The following ARID1B variants were observed in gnomAD, a reference collection of about 807,000 sequenced individuals.
The protein encoded by ARID1B is AT-rich interactive domain-containing protein 1B.
Under a neutral mutation model 212.3 loss-of-function variants are expected in ARID1B, and 30 were observed. The observed-to-expected ratio is 0.14, with a 90% CI of 0.11 to 0.19. ARID1B has a LOEUF of 0.19. Among genes scored for constraint, ARID1B ranks in the 10% least tolerant of loss-of-function variants. The probability of loss-of-function intolerance (pLI) is 1.00; values close to 1 mark genes in which losing one functional copy is unlikely to be tolerated. For synonymous variants in ARID1B, 1,402 were observed against 1,301.7 expected, an observed-to-expected ratio of 1.08 and a Z score of -1.66; for missense variants, 2,891 against 3,204.0, an observed-to-expected ratio of 0.90 and a Z score of 2.36.
At position 156,977,996 on chromosome 6, in the gene ARID1B, T is replaced by G. The variant is rs114499950; in HGVS notation, c.2247+42420T>G. Among the ~76,000 whole-genome samples the G allele has an allele frequency of 5.4e-3, 815 of 152,254 alleles. 7 individuals carry two copies. The highest frequency in any genetic ancestry group is 0.019 in the African/African-American group (785 of 41,548). Reference sequence around the variant, plus strand: ...GCGGGTGGGAGCAGGAACTCTTCTGTGTGAGCCCTGAGGATTCTTCTTCTA... The same window carrying G: ...GCGGGTGGGAGCAGGAACTCTTCTGGGTGAGCCCTGAGGATTCTTCTTCTA... On this transcript the variant is annotated intron_variant, in intron 4 of 19. Coordinates refer to ENST00000636930, the MANE Select transcript of ARID1B (RefSeq NM_001374828.1).
intron 1 of ARID1B, among the ~76,000 whole-genome samples, chr6:156,781,016 G>C (rs918474900): frequency 1.3e-5 from 2 of 152,170 alleles, no homozygotes; most frequent in South Asian, 4.1e-4. Flanking sequence ...TTGATAGGCA[G>C]CAATATATTT....
intron 3 of ARID1B, among the ~76,000 whole-genome samples, chr6:156,934,970 T>A (rs1792079915): frequency 7.2e-6 from 1 of 139,510 alleles, no homozygotes; most frequent in Non-Finnish European, 1.6e-5. Context: ...ATAGTTTATA[T>A]TTCTGCTGTT....
At chr6:157,002,696 TTTCA>T (rs1778976627) in intron 4 of ARID1B, among the ~76,000 whole-genome samples, 1 of 152,260 alleles carries the variant, frequency 6.6e-6, no homozygotes, top group Non-Finnish European at 1.5e-5. Context: ...TAATTTGATC[TTTCA>T]TTCAGCCCAT....
intron 6 of ARID1B, among the ~76,000 whole-genome samples, chr6:157,117,464 C>CT (rs1217723872): frequency 2.5e-4 from 38 of 152,150 alleles, no homozygotes; most frequent in Non-Finnish European, 4.1e-4. Context: ...TAGTGCACAC[C>CT]TTTTGGCTGC....
intron 5 of ARID1B, among the ~76,000 whole-genome samples, chr6:157,090,514 T>C (rs969485255): frequency 6.6e-6 from 1 of 152,214 alleles, no homozygotes; most frequent in African/African-American, 2.4e-5. Context: ...AATTAGGTCT[T>C]CACGCTAGCA....
At chr6:156,910,334 C>G (rs1301644624) in intron 3 of ARID1B, among the ~76,000 whole-genome samples, 1 of 152,208 alleles carries the variant, frequency 6.6e-6, no homozygotes, top group Non-Finnish European at 1.5e-5. Context: ...CTCTGCATAT[C>G]AAGTTCAAGA....
Position 157,148,612 on chromosome 6 carries a change from C to T in ARID1B, c.2762-12C>T, listed in dbSNP as rs746221569. ...AATAAAAGGCTTTACTTTGTGTTTGCTTTTTGTTTAGGTAACTACTCCAGA... is the reference window on the plus strand; with the variant it reads ...AATAAAAGGCTTTACTTTGTGTTTGTTTTTTGTTTAGGTAACTACTCCAGA... On this transcript the variant is annotated splice_polypyrimidine_tract_variant and intron_variant, in intron 7 of 19. Transcript: ENST00000636930. The surrounding 1 kb of genome is among the most constrained non-coding windows in gnomAD (Gnocchi z 5.6). The T allele has an allele frequency of 3.8e-6, 6 of 1,571,702 alleles. No individual in the cohort carries two copies. In the South Asian group the frequency reaches 5.6e-5, roughly 15 times the overall value.
At chr6:156,945,184 CT>C (rs1793006106) in intron 4 of ARID1B, among the ~76,000 whole-genome samples, 3 of 145,914 alleles carry the variant, frequency 2.1e-5, no homozygotes, top group Non-Finnish European at 4.5e-5. Context: ...ATCCGCCCGC[CT>C]CTGCCACCCA....
Position 157,148,395 on chromosome 6 carries a change from T to G in ARID1B, c.2762-229T>G, listed in dbSNP as rs1289407825. Among the ~76,000 whole-genome samples, 1 of 152,178 alleles carries G rather than the reference T, an allele frequency of 6.6e-6. No homozygotes were observed. The highest frequency in any genetic ancestry group is 1.9e-4 in the East Asian group (1 of 5,192). On this transcript the variant is annotated intron_variant, in intron 7 of 19. Transcript: ENST00000636930. The surrounding 1 kb of genome is among the most constrained non-coding windows in gnomAD (Gnocchi z 5.6). ...ACCAGCCTGAATTTCTCTTCATCAG[T>G]GCAGTGGTCCTCTGGGGCTGTCTGT...
intron 4 of ARID1B, among the ~76,000 whole-genome samples, chr6:157,067,986 T>C (rs1025179444): frequency 6.6e-6 from 1 of 152,234 alleles, no homozygotes; most frequent in African/African-American, 2.4e-5. Flanking sequence ...CTCCTAACTT[T>C]ATAAAATAAA....
chr6:156,821,432 A>G (rs1031635076), intron 1 of ARID1B, among the ~76,000 whole-genome samples: 5 of 152,252 alleles, frequency 3.3e-5, no homozygotes, highest in African/African-American at 1.2e-4. Flanking sequence ...AGCGATCTTC[A>G]AATATTCTGC....
At chr6:157,014,410 T>G (rs1331320864) in intron 4 of ARID1B, among the ~76,000 whole-genome samples, 1 of 152,174 alleles carries the variant, frequency 6.6e-6, no homozygotes, top group Non-Finnish European at 1.5e-5. Flanking sequence ...TTTCGATTCT[T>G]TCTAAGAATC....
At chr6:157,079,698 GA>G (rs1386270546) in intron 4 of ARID1B, among the ~76,000 whole-genome samples, 1 of 152,092 alleles carries the variant, frequency 6.6e-6, no homozygotes, top group Non-Finnish European at 1.5e-5. Flanking sequence ...GCATGTGCTG[GA>G]TTACTTTCTA....
At chr6:157,025,468 C>A (rs563840943) in intron 4 of ARID1B, among the ~76,000 whole-genome samples, 2 of 152,282 alleles carry the variant, frequency 1.3e-5, no homozygotes, top group South Asian at 4.1e-4. Context: ...ATAGTTAGTC[C>A]CTCTCTGTTA....
At chr6:156,810,567 CCTT>C (rs776361829) in intron 1 of ARID1B, among the ~76,000 whole-genome samples, 2 of 152,222 alleles carry the variant, frequency 1.3e-5, no homozygotes, top group Non-Finnish European at 2.9e-5. Flanking sequence ...GGCAACCAAA[CCTT>C]CTAAATTTTA....
At chr6:157,100,060 AG>A (rs1785958259) in intron 5 of ARID1B, among the ~76,000 whole-genome samples, 1 of 152,188 alleles carries the variant, frequency 6.6e-6, no homozygotes, top group Non-Finnish European at 1.5e-5. Flanking sequence ...TGACATGAAA[AG>A]GTTTATCTCT....
intron 4 of ARID1B, among the ~76,000 whole-genome samples, chr6:157,042,908 G>A (rs557888595): frequency 5.3e-5 from 8 of 152,114 alleles, no homozygotes; most frequent in Admixed American, 1.3e-4. Flanking sequence ...TGATCTGCCC[G>A]CCTCAGCCTC....
intron 7 of ARID1B, among the ~76,000 whole-genome samples, chr6:157,136,003 CAT>C (rs1237712815): frequency 1.3e-5 from 2 of 152,288 alleles, no homozygotes; most frequent in African/African-American, 4.8e-5. Context: ...CCGTTTTACT[CAT>C]ATTTTATATG....
chr6:157,172,168 G>A (rs935723748), intron 9 of ARID1B, among the ~76,000 whole-genome samples: 6 of 152,130 alleles, frequency 3.9e-5, no homozygotes, highest in African/African-American at 1.4e-4. Context: ...TCTGAAAAGG[G>A]TGTTTTTTAA....
Sources: gnomAD v4.1 joint callset for allele counts (sites outside exome capture counted in the v4.1 genomes callset) on GRCh38, gnomAD v4.1.1 for gene constraint, Gnocchi (gnomAD v3.1) non-coding constraint, MANE v1.5 for transcripts, NCBI Gene and HGNC (gene_info 2026-07-23, HGNC 2026-07-21) for gene names.